The following OTULIN variants were observed in gnomAD, a reference collection of about 807,000 sequenced individuals.
OTULIN encodes the protein ubiquitin thioesterase otulin.
A neutral mutation model predicts 39.6 loss-of-function variants in OTULIN; 15 were observed. That is an observed-to-expected ratio of 0.38 (90% confidence interval 0.25 to 0.58). OTULIN has a LOEUF of 0.58. Among genes scored for constraint, OTULIN ranks in the 20% least tolerant of loss-of-function variants. The pLI, the probability that OTULIN is intolerant of heterozygous loss-of-function variation, is 0.66. For missense variants in OTULIN, 319 were observed against 445.9 expected, an observed-to-expected ratio of 0.72 and a Z score of 2.56; for synonymous variants, 156 against 170.3, an observed-to-expected ratio of 0.92 and a Z score of 0.65.
intron 1 of OTULIN, among the ~76,000 whole-genome samples, chr5:14,669,759 A>G (rs1735936693): frequency 6.6e-6 from 1 of 152,192 alleles, no homozygotes; most frequent in Non-Finnish European, 1.5e-5. Flanking sequence ...CAACAGAGTG[A>G]GACCCTTTCT....
intron 2 of OTULIN, among the ~76,000 whole-genome samples, chr5:14,675,543 TAGTC>T (rs1736084214): frequency 6.6e-6 from 1 of 152,206 alleles, no homozygotes; most frequent in African/African-American, 2.4e-5. Context: ...GTGTCCTCAT[TAGTC>T]AGATTCCTAA....
the OTULIN span, chr5:14,713,396 G>T: frequency 8.3e-7 from 1 of 1,204,232 alleles, no homozygotes; most frequent in Non-Finnish European, 1.2e-6. This position sits in a 1 kb window ranked among gnomAD's most constrained non-coding sequence, Gnocchi z 4.4. Context: ...CCTCCACCTG[G>T]TGCCTGGGCA....
chr5:14,709,901 A>AT, the OTULIN span: 1 of 152,598 alleles, frequency 6.6e-6, no homozygotes, highest in South Asian at 2.1e-4. Context: ...TACAGCATAT[A>AT]TTTATATCTT....
intron 2 of OTULIN, among the ~76,000 whole-genome samples, chr5:14,674,795 C>A (rs1490949310): frequency 6.6e-6 from 1 of 152,126 alleles, no homozygotes; most frequent in Non-Finnish European, 1.5e-5. Context: ...TATTTCTCAA[C>A]ATAAGCTCCA....
the OTULIN span, chr5:14,707,917 G>T: frequency 9.2e-5 from 14 of 152,264 alleles, no homozygotes; most frequent in African/African-American, 2.9e-4. Flanking sequence ...GGGGATGACT[G>T]TTTTTTACCC....
At chr5:14,681,317 A>G in intron 3 of OTULIN, 147 bp from the exon 4 acceptor site, 1 of 829,858 alleles carries the variant, frequency 1.2e-6, no homozygotes, top group Non-Finnish European at 1.9e-6. Flanking sequence ...GTAAGTGTTA[A>G]AACAATTGCT....
At chr5:14,674,798 A>C (rs1736065000) in intron 2 of OTULIN, among the ~76,000 whole-genome samples, 1 of 152,158 alleles carries the variant, frequency 6.6e-6, no homozygotes, top group Admixed American at 6.5e-5. Flanking sequence ...TTCTCAACAT[A>C]AGCTCCATCA....
Position 14,687,498 on chromosome 5 carries a change from C to T in OTULIN, c.469-23C>T, listed in dbSNP as rs775696771. The T allele has an allele frequency of 8.1e-6, 13 of 1,606,158 alleles. No individual in the cohort carries two copies. The South Asian group carries it at 1.3e-4, about 17-fold the overall frequency. On this transcript the variant is annotated intron_variant, in intron 4 of 6. Coordinates refer to ENST00000284274, the MANE Select transcript of OTULIN (RefSeq NM_138348.6). ...TCTTGGAATGTTAACACTTCTTTAT[C>T]TCTTTGTTTCTCGATGTTGTAGTTA... is the stretch of plus-strand genomic sequence containing the variant.
chr5:14,672,957 C>T (rs1736015272), intron 1 of OTULIN, among the ~76,000 whole-genome samples: 1 of 152,096 alleles, frequency 6.6e-6, no homozygotes, highest in Non-Finnish European at 1.5e-5. Flanking sequence ...TGTCTAGCAT[C>T]TAGTGGATTT....
chr5:14,713,024 AC>A, the OTULIN span: 1,310 of 1,547,026 alleles, frequency 8.5e-4, 2 homozygotes, highest in Non-Finnish European at 1.1e-3. The surrounding 1 kb of genome is among the most constrained non-coding windows in gnomAD (Gnocchi z 4.4). Context: ...AAGTCAAGGC[AC>A]AACCGTCGAT....
Position 14,674,732 on chromosome 5 carries a change from G to A in OTULIN, c.229+1014G>A, listed in dbSNP as rs367931425. Among the ~76,000 whole-genome samples the A allele has an allele frequency of 3.1e-4, 47 of 151,946 alleles. No homozygotes were observed. In the South Asian group the frequency reaches 9.2e-3, roughly 30 times the overall value. On this transcript the variant is annotated intron_variant, in intron 2 of 6. Coordinates refer to ENST00000284274, the MANE Select transcript of OTULIN (RefSeq NM_138348.6). ...ATTGCATTACTGCACTCCAACCTGG[G>A]TAACAGTGAGACCTTGTCTCAAAAA...
chr5:14,704,378 C>T (rs1251787339), downstream of OTULIN, among the ~76,000 whole-genome samples: 1 of 139,928 alleles, frequency 7.1e-6, no homozygotes, highest in Non-Finnish European at 1.5e-5. Context: ...TAATGCTTTT[C>T]CCATAAAGAC....
chr5:14,711,256 C>G, the OTULIN span: 1 of 1,614,148 alleles, frequency 6.2e-7, no homozygotes. Flanking sequence ...GGAGGCATGT[C>G]TGTCATGGCA....
At chr5:14,689,281 G>A (rs1379638327) in intron 5 of OTULIN, among the ~76,000 whole-genome samples, 3 of 152,208 alleles carry the variant, frequency 2.0e-5, no homozygotes, top group Non-Finnish European at 2.9e-5. Context: ...GGAATTGTAT[G>A]CAGTCATTAC....
the OTULIN span, chr5:14,712,875 T>A: frequency 6.2e-7 from 1 of 1,607,616 alleles, no homozygotes; most frequent in Admixed American, 1.7e-5. Context: ...CTGTCTCACC[T>A]GCTTCCGGTA....
chr5:14,712,360 T>C, the OTULIN span, among the ~76,000 whole-genome samples: 1 of 152,308 alleles, frequency 6.6e-6, no homozygotes, highest in Admixed American at 6.5e-5. Context: ...TCTCAGACAA[T>C]GATGTGGCTT....
At chr5:14,685,213 T>C (rs531417143) in intron 4 of OTULIN, among the ~76,000 whole-genome samples, 4 of 152,232 alleles carry the variant, frequency 2.6e-5, no homozygotes, top group Admixed American at 6.5e-5. Flanking sequence ...TTTGTAAGTT[T>C]TGGGGATGAC....
chr5:14,701,768 G>T (rs145400946), downstream of OTULIN, among the ~76,000 whole-genome samples: 286 of 152,170 alleles, frequency 1.9e-3, 1 homozygote, highest in African/African-American at 6.3e-3. Flanking sequence ...TCTCTGGCTG[G>T]GTTCTTATTT....
chr5:14,708,854 A>C, the OTULIN span: 1 of 151,846 alleles, frequency 6.6e-6, no homozygotes, highest in Non-Finnish European at 1.5e-5. Flanking sequence ...TCTCATAATG[A>C]GGAGGCCCTT....
Sources: allele counts gnomAD v4.1 joint callset (sites outside exome capture counted in the v4.1 genomes callset), GRCh38; gene constraint gnomAD v4.1.1; non-coding constraint Gnocchi (gnomAD v3.1); transcripts MANE v1.5; gene names NCBI Gene and HGNC (gene_info 2026-07-23, HGNC 2026-07-21).